PSG6: variants seen among roughly 807,000 people sequenced by gnomAD.
PSG6 encodes pregnancy-specific beta-1-glycoprotein 6.
PSG6 carries 51 observed loss-of-function variants against 43.3 expected under a neutral mutation model. The ratio of observed to expected loss-of-function variants is 1.18; its 90% CI spans 0.94 to 1.49. PSG6 has a LOEUF of 1.49. Ranked by LOEUF, PSG6 falls within the 40% of genes most tolerant of loss-of-function variation. The pLI is 0.00. For missense variants in PSG6, 770 were observed against 522.2 expected, an observed-to-expected ratio of 1.47 and a Z score of -4.62; for synonymous variants, 292 against 197.6, an observed-to-expected ratio of 1.48 and a Z score of -4.01.
chr19:42,911,461 T>A (rs978105708), intron 2 of PSG6, among the ~76,000 whole-genome samples: 2 of 151,428 alleles, frequency 1.3e-5, no homozygotes, highest in African/African-American at 4.9e-5. Context: ...TTTCCAGGTG[T>A]CTCATAGTGA....
At chr19:42,903,570 A>C in intron 5 of PSG6, 1 of 1,411,516 alleles carries the variant, frequency 7.1e-7, no homozygotes, top group Non-Finnish European at 9.3e-7. Context: ...AGAAAAAAAG[A>C]GAAAAGATAA....
chr19:42,906,793 G>T, intron 5 of PSG6, 129 bp downstream of exon 5: 2 of 1,598,926 alleles, frequency 1.3e-6, no homozygotes, highest in East Asian at 2.2e-5. Context: ...GGGTTCAGGA[G>T]GAGAATTTGG....
intron 5 of PSG6, chr19:42,906,673 G>C: frequency 7.0e-7 from 1 of 1,423,312 alleles, no homozygotes. Flanking sequence ...CTACCACATA[G>C]GGCTCAGGGC....
At chr19:42,916,834 T>C (rs143568545) in intron 1 of PSG6, among the ~76,000 whole-genome samples, 3,680 of 151,492 alleles carry the variant, frequency 0.024, 199 homozygotes, top group African/African-American at 0.083. Context: ...TCTTTCCTGA[T>C]GCCTGCTTCA....
chr19:42,912,119 T>G (rs530739198), intron 2 of PSG6, among the ~76,000 whole-genome samples: 1 of 151,674 alleles, frequency 6.6e-6, no homozygotes, highest in Non-Finnish European at 1.5e-5. Flanking sequence ...TCTGAAAAAT[T>G]TAAAATCCAC....
Position 42,910,575 on chromosome 19 carries a change from C to T in PSG6, c.706+5G>A. On this transcript the variant is annotated splice_donor_5th_base_variant and intron_variant, in intron 3 of 5. Coordinates refer to ENST00000187910, the MANE Select transcript of PSG6 (RefSeq NM_001031850.4). ...CTGGCTCACAGAGGAACAGAAGATA[C>T]TCACGGAGGAGATTCAGGGTGACTG... 1.2e-6 allele frequency: 2 copies of T among 1,612,546 alleles called. No homozygotes were observed. Among genetic ancestry groups the T allele is most frequent in the Non-Finnish European group, 1.7e-6 (2 of 1,179,270 alleles).
At chr19:42,915,933 G>A (rs187507697) in intron 2 of PSG6, 192 bp downstream of exon 2, 132,322 of 766,690 alleles carry the variant, frequency 0.17, 25,226 homozygotes, top group African/African-American at 0.45. Flanking sequence ...GCAGGGTCTG[G>A]ATGCGGGAAA....
At chr19:42,909,213 T>A (rs1007633908) in intron 3 of PSG6, among the ~76,000 whole-genome samples, 1 of 151,624 alleles carries the variant, frequency 6.6e-6, no homozygotes, top group Admixed American at 6.6e-5. Context: ...GCCCTTTTTT[T>A]TCTCTCACCA....
At chr19:42,906,874 T>A in intron 5 of PSG6, 48 bp downstream of exon 5, 1 of 1,611,558 alleles carries the variant, frequency 6.2e-7, no homozygotes, top group Non-Finnish European at 8.5e-7. Context: ...GAAAGCCAGA[T>A]AGACTCCACC....
intron 3 of PSG6, chr19:42,910,329 G>C: frequency 1.0e-6 from 1 of 979,580 alleles, no homozygotes; most frequent in Non-Finnish European, 1.5e-6. Context: ...TGGAGCCTGA[G>C]ACATTCACCT....
At chr19:42,917,320 C>G (rs1238581448) in intron 1 of PSG6, among the ~76,000 whole-genome samples, 1 of 150,606 alleles carries the variant, frequency 6.6e-6, no homozygotes, top group African/African-American at 2.4e-5. Flanking sequence ...TATCCAGGCT[C>G]CAACAGAGCC....
At chr19:42,904,371 A>G (rs1972080872) in intron 5 of PSG6, among the ~76,000 whole-genome samples, 1 of 151,708 alleles carries the variant, frequency 6.6e-6, no homozygotes, top group African/African-American at 2.4e-5. Flanking sequence ...CTGTTTATAG[A>G]TAACTTGAAC....
rs542465594 is a variant in PSG6, at chr19:42,902,315, A to G, written c.*97T>C. ...TTATGAAAACATTATCCTTTTGATT[A>G]TTTAGTCCAATAACATTGAGTTTTT... On this transcript the variant is annotated 3_prime_UTR_variant, in exon 6 of 6. Transcript: ENST00000187910. 131 of 1,356,182 alleles carry G rather than the reference A, an allele frequency of 9.7e-5. 3 individuals are homozygous for G. In the South Asian group the frequency reaches 1.3e-3, roughly 14 times the overall value. 84.0% of individuals were successfully genotyped at this position (1,356,182 alleles called of 1,614,324 possible). A position where few individuals can be genotyped will look rare whatever the true frequency, so the allele number is the denominator to read the frequency against.
chr19:42,910,231 G>T lies in PSG6; in HGVS notation c.706+349C>A, dbSNP rs1000733722. On this transcript the variant is annotated intron_variant, in intron 3 of 5. Coordinates refer to ENST00000187910, the MANE Select transcript of PSG6 (RefSeq NM_001031850.4). ...TTGTCAGAGGGAAGGGAAAATCCTG[G>T]TCTGTGGAAGGGACACAGTCACAGT... 1.1e-4 allele frequency: 49 copies of T among 461,278 alleles called. 1 individual carries two copies. The highest frequency in any genetic ancestry group is 3.5e-5 in the Admixed American group (1 of 28,776). The allele number at this position is 461,278 out of a possible 1,614,324, so 28.6% of individuals were successfully genotyped here. A position where few individuals can be genotyped will look rare whatever the true frequency, so the allele number is the denominator to read the frequency against.
At chr19:42,914,778 T>C (rs1972293631) in intron 2 of PSG6, among the ~76,000 whole-genome samples, 1 of 151,638 alleles carries the variant, frequency 6.6e-6, no homozygotes. Flanking sequence ...TGAGTGTGTC[T>C]CTCTCACTGG....
chr19:42,908,665 T>A (rs1815784210), intron 3 of PSG6, among the ~76,000 whole-genome samples: 1 of 151,734 alleles, frequency 6.6e-6, no homozygotes, highest in Non-Finnish European at 1.5e-5. Flanking sequence ...TGTGGACATT[T>A]GCAAATGCAG....
At chr19:42,913,305 C>A (rs551730509) in intron 2 of PSG6, among the ~76,000 whole-genome samples, 7 of 151,700 alleles carry the variant, frequency 4.6e-5, no homozygotes, top group South Asian at 4.2e-4. Context: ...TGACCACCAC[C>A]ATGCCCAGCT....
rs750419690 is a variant in PSG6 at position 42,906,884 on chromosome 19, C to T, written c.1240+38G>A. On this transcript the variant is annotated intron_variant, in intron 5 of 5. Coordinates refer to ENST00000187910, the MANE Select transcript of PSG6 (RefSeq NM_001031850.4). ...TCTCTGAAAGCCAGATAGACTCCACCTAAAACCCTATTGCCAAGGATGCTG... is the reference window on the plus strand; with the variant it reads ...TCTCTGAAAGCCAGATAGACTCCACTTAAAACCCTATTGCCAAGGATGCTG... 8.7e-6 allele frequency: 14 copies of T among 1,611,748 alleles called. No individual in the cohort carries two copies. In the African/African-American group the frequency reaches 1.6e-4, roughly 19 times the overall value.
rs762426144 is a variant in PSG6, at chr19:42,913,744, C to T, written c.427+2381G>A. Among the ~76,000 whole-genome samples the T allele has an allele frequency of 1.4e-4, 21 of 151,756 alleles. 2 individuals carry two copies. In the South Asian group the frequency reaches 3.6e-3, roughly 26 times the overall value. The stretch of plus-strand genomic sequence containing the variant: ...TCTCATTCTTTTGCCTTCTGACAAC[C>T]GGCTGACCTCATCCATACCTATGCC... On this transcript the variant is annotated intron_variant, in intron 2 of 5. Transcript: ENST00000187910.
Sources: allele counts gnomAD v4.1 joint callset (sites outside exome capture counted in the v4.1 genomes callset), GRCh38; gene constraint gnomAD v4.1.1; transcripts MANE v1.5; gene names NCBI Gene and HGNC (gene_info 2026-07-23, HGNC 2026-07-21).